Variants in PTPRT observed in about 807,000 individuals in gnomAD.
The protein encoded by PTPRT is protein tyrosine phosphatase receptor type T.
PTPRT carries 56 observed loss-of-function variants against 176.8 expected under a neutral mutation model. That is an observed-to-expected ratio of 0.32 (90% CI 0.26 to 0.40). The LOEUF is 0.40. Ranked by LOEUF, PTPRT falls within the 10% of genes least tolerant of loss-of-function variation. PTPRT has a pLI of 1.00. For synonymous variants in PTPRT, 783 were observed against 739.0 expected (o/e 1.06, Z -0.96); for missense variants, 1,540 against 1,908.2 (o/e 0.81, Z 3.60).
intron 27 of PTPRT, among the ~76,000 whole-genome samples, chr20:42,095,826 C>T (rs1209781809): frequency 2.0e-5 from 3 of 152,172 alleles, no homozygotes; most frequent in African/African-American, 4.8e-5. Context: ...CAGCAAATAG[C>T]AGATGCCCAA....
chr20:42,965,263 T>G (rs149798011), intron 1 of PTPRT, among the ~76,000 whole-genome samples: 89 of 152,298 alleles, frequency 5.8e-4, no homozygotes, highest in African/African-American at 2.1e-3. Flanking sequence ...TTTATAGTAT[T>G]TGCTGCTCTC....
intron 2 of PTPRT, among the ~76,000 whole-genome samples, chr20:42,865,031 G>T (rs2078722479): frequency 6.6e-6 from 1 of 152,204 alleles, no homozygotes; most frequent in Admixed American, 6.5e-5. Context: ...TCTCTGGCCT[G>T]CCAGGCCCCA....
At chr20:42,970,004 G>A (rs551297362) in intron 1 of PTPRT, among the ~76,000 whole-genome samples, 80 of 152,260 alleles carry the variant, frequency 5.3e-4, no homozygotes, top group African/African-American at 1.4e-3. Flanking sequence ...AGGTTACAGA[G>A]CTCAAAAGCA....
chr20:42,287,631 T>G (rs1361070626), intron 12 of PTPRT, among the ~76,000 whole-genome samples: 3 of 151,866 alleles, frequency 2.0e-5, no homozygotes, highest in Non-Finnish European at 4.4e-5. Flanking sequence ...TATACCTAGA[T>G]AGAAGGAATA....
At chr20:42,494,484 A>G (rs958295108) in intron 7 of PTPRT, among the ~76,000 whole-genome samples, 2 of 152,114 alleles carry the variant, frequency 1.3e-5, no homozygotes, top group African/African-American at 4.8e-5. Flanking sequence ...GATATCAATG[A>G]CTAACTCTCA....
chr20:43,116,757 T>C (rs1399130799), intron 1 of PTPRT, among the ~76,000 whole-genome samples: 2 of 152,196 alleles, frequency 1.3e-5, no homozygotes, highest in African/African-American at 2.4e-5. Context: ...TGGTAGGGAA[T>C]ATATTTTTGT....
At chr20:42,548,822 A>G (rs1297074738) in intron 7 of PTPRT, among the ~76,000 whole-genome samples, 2 of 152,176 alleles carry the variant, frequency 1.3e-5, no homozygotes, top group African/African-American at 4.8e-5. Context: ...ACAGTCAATA[A>G]AGAAGAGGGA....
intron 1 of PTPRT, among the ~76,000 whole-genome samples, chr20:43,129,910 G>T (rs968407238): frequency 2.6e-5 from 4 of 152,128 alleles, no homozygotes; most frequent in Non-Finnish European, 5.9e-5. Flanking sequence ...GAGCCACCGC[G>T]CCCAGCCCAA....
intron 1 of PTPRT, among the ~76,000 whole-genome samples, chr20:42,918,971 C>T (rs1978970970): frequency 6.6e-6 from 1 of 152,210 alleles, no homozygotes; most frequent in African/African-American, 2.4e-5. Context: ...ATGCAACTCA[C>T]TAAACAGTAA....
intron 7 of PTPRT, among the ~76,000 whole-genome samples, chr20:42,510,364 G>A (rs1271289305): frequency 1.3e-5 from 2 of 151,928 alleles, no homozygotes; most frequent in Non-Finnish European, 2.9e-5. Flanking sequence ...TGAATAATAG[G>A]AATTATTTAT....
rs1462778235 is a variant in PTPRT at position 42,076,051 on chromosome 20, A to C, written c.*4828T>G. On this transcript the variant is annotated 3_prime_UTR_variant, in exon 31 of 31. Coordinates refer to ENST00000373187, the MANE Select transcript of PTPRT (RefSeq NM_007050.6). Reference sequence around the variant, plus strand: ...AAAGTGCTCCAAATCTACCCCTTCTAATGTTGATGAGGGTCCTTTTTTCAT... The same window carrying C: ...AAAGTGCTCCAAATCTACCCCTTCTCATGTTGATGAGGGTCCTTTTTTCAT... 1 of 220,528 alleles carries C rather than the reference A, an allele frequency of 4.5e-6. No individual in the cohort carries two copies. The highest frequency in any genetic ancestry group is 5.8e-5 in the Admixed American group (1 of 17,288). 13.7% of individuals were successfully genotyped at this position (220,528 alleles called of 1,614,324 possible). A position where few individuals can be genotyped will look rare whatever the true frequency, so the allele number is the denominator to read the frequency against.
At chr20:42,686,523 A>C (rs1265025225) in intron 6 of PTPRT, among the ~76,000 whole-genome samples, 1 of 114,374 alleles carries the variant, frequency 8.7e-6, no homozygotes, top group Admixed American at 1.3e-4. Flanking sequence ...TCACTCTGTC[A>C]CCCAGGCTGG....
intron 1 of PTPRT, among the ~76,000 whole-genome samples, chr20:43,177,176 A>C (rs2015142475): frequency 6.6e-6 from 1 of 152,220 alleles, no homozygotes. Context: ...TCAGAATATC[A>C]AAGTAGGACA....
intron 1 of PTPRT, among the ~76,000 whole-genome samples, chr20:42,926,663 TC>T (rs1490864487): frequency 1.3e-5 from 2 of 152,150 alleles, no homozygotes; most frequent in African/African-American, 2.4e-5. Flanking sequence ...TAGGTTAAAA[TC>T]CCAGCCTCTG....
At chr20:42,254,074 T>C (rs888771491) in intron 13 of PTPRT, among the ~76,000 whole-genome samples, 1 of 152,150 alleles carries the variant, frequency 6.6e-6, no homozygotes, top group African/African-American at 2.4e-5. Context: ...ACATAGGGTC[T>C]AGTTGCCATG....
intron 9 of PTPRT, among the ~76,000 whole-genome samples, chr20:42,397,424 AG>A (rs1323429302): frequency 1.3e-5 from 2 of 152,186 alleles, no homozygotes; most frequent in Admixed American, 6.5e-5. Context: ...AGTACCCAAT[AG>A]GTAGTTTTTC....
intron 16 of PTPRT, among the ~76,000 whole-genome samples, chr20:42,168,337 A>T (rs962169711): frequency 1.3e-5 from 2 of 152,210 alleles, no homozygotes; most frequent in Non-Finnish European, 2.9e-5. Context: ...GATGGTGATG[A>T]CAATGATCAT....
intron 1 of PTPRT, among the ~76,000 whole-genome samples, chr20:43,045,606 C>T (rs560629526): frequency 2.1e-4 from 31 of 150,940 alleles, no homozygotes; most frequent in African/African-American, 7.6e-4. Flanking sequence ...AGGCATGCAC[C>T]ACCATGTCCA....
In PTPRT at chr20:43,026,944, T is replaced by C. The variant is rs954402720; in HGVS notation, c.89-141012A>G. On this transcript the variant is annotated intron_variant, in intron 1 of 30. Transcript: ENST00000373187. The stretch of plus-strand genomic sequence containing the variant: ...GCTGAACAGTACTCCATTGTGTATA[T>C]GTACCACAATTTCTTTTTCCATTCA... Among the ~76,000 whole-genome samples, 8 of 152,342 alleles carry C rather than the reference T, an allele frequency of 5.3e-5. No individual in the cohort carries two copies. The East Asian group carries it at 1.5e-3, about 29-fold the overall frequency.
Sources: gnomAD v4.1 joint callset for allele counts (sites outside exome capture counted in the v4.1 genomes callset) on GRCh38, gnomAD v4.1.1 for gene constraint, MANE v1.5 for transcripts, NCBI Gene and HGNC (gene_info 2026-07-23, HGNC 2026-07-21) for gene names.